Variants in MGLL observed in about 807,000 individuals in gnomAD.
The protein encoded by MGLL is lysophospholipase homolog.
Under a neutral mutation model 29.1 loss-of-function variants are expected in MGLL, and 7 were observed. That is an observed-to-expected ratio of 0.24 (90% CI 0.14 to 0.45). MGLL has a LOEUF of 0.45. Ranked by LOEUF, MGLL falls within the 20% of genes least tolerant of loss-of-function variation. MGLL has a pLI of 0.99. For missense variants in MGLL, 356 were observed against 413.6 expected (o/e 0.86, Z 1.21); for synonymous variants, 148 against 168.3 (o/e 0.88, Z 0.93).
At chr3:127,794,477 C>G (rs1415989465) in intron 2 of MGLL, among the ~76,000 whole-genome samples, 1 of 152,084 alleles carries the variant, frequency 6.6e-6, no homozygotes, top group Non-Finnish European at 1.5e-5. Context: ...AGGCTGTCTT[C>G]TATGACATCA....
At chr3:127,765,518 T>TG in intron 3 of MGLL, among the ~76,000 whole-genome samples, 1 of 152,364 alleles carries the variant, frequency 6.6e-6, no homozygotes, top group South Asian at 2.1e-4. Flanking sequence ...ATGGCACACT[T>TG]GCTGCGGCCC....
chr3:127,707,722 C>T (rs1319336616), intron 6 of MGLL, among the ~76,000 whole-genome samples: 1 of 152,206 alleles, frequency 6.6e-6, no homozygotes, highest in Non-Finnish European at 1.5e-5. Flanking sequence ...AAGAATGATG[C>T]CATCATTGTG....
At chr3:127,768,779 G>A (rs555733033) in intron 3 of MGLL, among the ~76,000 whole-genome samples, 11 of 152,208 alleles carry the variant, frequency 7.2e-5, no homozygotes, top group African/African-American at 2.2e-4. Flanking sequence ...GGAACCTAGC[G>A]CATCACTCAT....
chr3:127,726,710 G>A (rs890762671), intron 3 of MGLL, among the ~76,000 whole-genome samples: 1 of 152,170 alleles, frequency 6.6e-6, no homozygotes, highest in African/African-American at 2.4e-5. Context: ...GATTACAGGT[G>A]TGAGCCACCG....
intron 3 of MGLL, among the ~76,000 whole-genome samples, chr3:127,733,462 TC>T (rs2107644232): frequency 6.6e-6 from 1 of 152,302 alleles, no homozygotes; most frequent in South Asian, 2.1e-4. Flanking sequence ...TTGCTTAAGA[TC>T]CAGGAACCCT....
chr3:127,761,896 T>G lies in MGLL; in HGVS notation c.262+19893A>C, dbSNP rs569150210. 2.0e-5 allele frequency among the ~76,000 whole-genome samples: 3 copies of G among 152,196 alleles called. No individual in the cohort carries two copies. The highest frequency in any genetic ancestry group is 4.4e-5 in the Non-Finnish European group (3 of 68,042). ...GTTGTGACTGCATCTGAGGATCCCA[T>G]GCAAGGTTTGGGTCCTCTGTTTGCT... On this transcript the variant is annotated intron_variant, in intron 3 of 7. Transcript: ENST00000265052. This position sits in a 1 kb window ranked among gnomAD's most constrained non-coding sequence, Gnocchi z 4.6.
intron 3 of MGLL, among the ~76,000 whole-genome samples, chr3:127,778,071 C>T (rs894561460): frequency 2.6e-5 from 4 of 152,202 alleles, no homozygotes; most frequent in African/African-American, 4.8e-5. Flanking sequence ...CTGCCACAAC[C>T]GCGGCGCCTA....
chr3:127,812,851 T>A (rs2077688146), intron 2 of MGLL, among the ~76,000 whole-genome samples: 1 of 152,202 alleles, frequency 6.6e-6, no homozygotes, highest in Non-Finnish European at 1.5e-5. Context: ...GGCCCATACC[T>A]GGCTGGTGTT....
chr3:127,701,499 A>C (rs1361571882), intron 6 of MGLL, among the ~76,000 whole-genome samples: 1 of 152,192 alleles, frequency 6.6e-6, no homozygotes, highest in Non-Finnish European at 1.5e-5. Flanking sequence ...CCCTCTGTGA[A>C]GAACCCTGTG....
At chr3:127,796,362 G>A (rs758804795) in intron 2 of MGLL, among the ~76,000 whole-genome samples, 56 of 152,150 alleles carry the variant, frequency 3.7e-4, no homozygotes, top group Non-Finnish European at 6.2e-4. Context: ...TTTCCCTACA[G>A]GACTATGTCA....
intron 2 of MGLL, among the ~76,000 whole-genome samples, chr3:127,786,516 A>G (rs2077215612): frequency 6.6e-6 from 1 of 152,236 alleles, no homozygotes; most frequent in African/African-American, 2.4e-5. Context: ...GCCCAGCCCC[A>G]GAAGCAGATG....
chr3:127,736,019 C>T, intron 3 of MGLL: 3 of 1,397,940 alleles, frequency 2.1e-6, no homozygotes, highest in East Asian at 2.5e-5. Flanking sequence ...TAACATGGAA[C>T]AGACCTTTTT....
intron 2 of MGLL, among the ~76,000 whole-genome samples, chr3:127,791,602 C>T (rs751022757): frequency 6.6e-6 from 1 of 152,210 alleles, no homozygotes; most frequent in African/African-American, 2.4e-5. Context: ...TCATCTCCAG[C>T]CTCCTCCCAA....
chr3:127,817,936 G>A (rs1258450349), intron 2 of MGLL, among the ~76,000 whole-genome samples: 1 of 152,212 alleles, frequency 6.6e-6, no homozygotes, highest in Non-Finnish European at 1.5e-5. Context: ...AGCATCAGTG[G>A]ACATTTGCTC....
At chr3:127,746,627 C>G (rs1213455739) in intron 3 of MGLL, among the ~76,000 whole-genome samples, 3 of 152,168 alleles carry the variant, frequency 2.0e-5, no homozygotes, top group Non-Finnish European at 2.9e-5. Flanking sequence ...AGCTGCACCC[C>G]CTGTCTTTGT....
Position 127,750,156 on chromosome 3 carries a change from G to A in MGLL, c.263-27590C>T, listed in dbSNP as rs115755821. Among the ~76,000 whole-genome samples, 1,123 of 152,260 alleles carry A rather than the reference G, an allele frequency of 7.4e-3. 4 individuals are homozygous for A. The highest frequency in any genetic ancestry group is 0.024 in the Middle Eastern group (7 of 294). On this transcript the variant is annotated intron_variant, in intron 3 of 7. Transcript: ENST00000265052. Reference sequence around the variant, plus strand: ...TGCCCGTGTGTGGGGACTAGACTGCGGGGGTGAGGGTAGAGGCTCCCTGCT... The same window carrying A: ...TGCCCGTGTGTGGGGACTAGACTGCAGGGGTGAGGGTAGAGGCTCCCTGCT...
intron 2 of MGLL, among the ~76,000 whole-genome samples, chr3:127,782,550 C>T (rs1171152877): frequency 2.0e-5 from 3 of 152,164 alleles, no homozygotes; most frequent in Non-Finnish European, 2.9e-5. Flanking sequence ...AGAGTGCTGG[C>T]GCGGGGCAGG....
intron 3 of MGLL, among the ~76,000 whole-genome samples, chr3:127,776,041 G>A (rs957879210): frequency 3.9e-5 from 6 of 152,176 alleles, no homozygotes; most frequent in South Asian, 2.1e-4. Flanking sequence ...AGAATGTTGC[G>A]GAAAATCCCA....
intron 3 of MGLL, among the ~76,000 whole-genome samples, chr3:127,745,136 C>T (rs2076417963): frequency 6.6e-6 from 1 of 152,216 alleles, no homozygotes; most frequent in Non-Finnish European, 1.5e-5. Flanking sequence ...TTGGTTTCCT[C>T]ATCAGTGAAA....
Sources: allele counts gnomAD v4.1 joint callset (sites outside exome capture counted in the v4.1 genomes callset), GRCh38; gene constraint gnomAD v4.1.1; non-coding constraint Gnocchi (gnomAD v3.1); transcripts MANE v1.5; gene names NCBI Gene and HGNC (gene_info 2026-07-23, HGNC 2026-07-21).